The following SCARB1 variants were observed in gnomAD, a reference collection of about 807,000 sequenced individuals.
SCARB1 encodes the protein scavenger receptor class B member 1, also known as CD36 and LIMPII analogous 1.
SCARB1 carries 30 observed loss-of-function variants against 57.2 expected under a neutral mutation model. That is an observed-to-expected ratio of 0.52 (90% CI 0.39 to 0.71). The LOEUF (loss-of-function observed/expected upper bound fraction) is 0.71. Among genes scored for constraint, SCARB1 ranks in the 30% least tolerant of loss-of-function variants. SCARB1 has a pLI of 0.00. For synonymous variants in SCARB1, 249 were observed against 268.3 expected, an observed-to-expected ratio of 0.93 and a Z score of 0.70; for missense variants, 543 against 671.2, an observed-to-expected ratio of 0.81 and a Z score of 2.11.
At position 124,800,308 on chromosome 12, in the gene SCARB1, AGGTCTGCACAGAGCTGT is replaced by A; in HGVS notation, c.1010-83_1010-67del. ...ATATTGGCAGGTCCTGCCAGGCCGG[AGGTCTGCACAGAGCTGT>A]GGTCTGCAGGGCACCCCCGTGGCGA... On this transcript the variant is annotated intron_variant, in intron 7 of 12. Coordinates refer to ENST00000261693, the MANE Select transcript of SCARB1 (RefSeq NM_005505.5). The surrounding 1 kb of genome is among the most constrained non-coding windows in gnomAD (Gnocchi z 4.8). The A allele has an allele frequency of 8.2e-7, 1 of 1,217,258 alleles. No individual in the cohort carries two copies. Among genetic ancestry groups the A allele is most frequent in the South Asian group, 1.3e-5 (1 of 79,018 alleles). 75.4% of individuals were successfully genotyped at this position (1,217,258 alleles called of 1,614,324 possible). A position where few individuals can be genotyped will look rare whatever the true frequency, so the allele number is the denominator to read the frequency against.
intron 7 of SCARB1, among the ~76,000 whole-genome samples, chr12:124,801,963 C>G (rs1054584503): frequency 1.3e-5 from 2 of 151,788 alleles, no homozygotes; most frequent in Non-Finnish European, 2.9e-5. Context: ...CCAGCCTGAC[C>G]GATATGGAGA....
Position 124,778,468 on chromosome 12 carries a change from C to T in SCARB1, c.*119G>A. On this transcript the variant is annotated 3_prime_UTR_variant, in exon 13 of 13. Coordinates refer to ENST00000261693, the MANE Select transcript of SCARB1 (RefSeq NM_005505.5). ...ACAGGCACATGGCAGCTGGGAGGCT[C>T]AGGCTGTGGGGCTGGGGGGCTGTCC... The T allele has an allele frequency of 1.5e-6, 2 of 1,332,738 alleles. No homozygotes were observed. The highest frequency in any genetic ancestry group is 1.9e-6 in the Non-Finnish European group (2 of 1,038,810). The allele number at this position is 1,332,738 out of a possible 1,614,324, so 82.6% of individuals were successfully genotyped here. A position where few individuals can be genotyped will look rare whatever the true frequency, so the allele number is the denominator to read the frequency against.
chr12:124,834,985 G>A (rs1449976887), intron 1 of SCARB1, among the ~76,000 whole-genome samples: 1 of 152,194 alleles, frequency 6.6e-6, no homozygotes. Flanking sequence ...CAGATTCCCA[G>A]GCTCCATGCC....
At chr12:124,857,037 C>T (rs1952664158) in intron 1 of SCARB1, among the ~76,000 whole-genome samples, 1 of 152,110 alleles carries the variant, frequency 6.6e-6, no homozygotes, top group African/African-American at 2.4e-5. Flanking sequence ...AGGGGCAGCC[C>T]AGGAAGAGAA....
chr12:124,810,627 G>T lies in SCARB1; in HGVS notation c.727-338C>A, dbSNP rs1041326911. Among the ~76,000 whole-genome samples, 1 of 152,176 alleles carries T rather than the reference G, an allele frequency of 6.6e-6. No individual in the cohort carries two copies. On this transcript the variant is annotated intron_variant, in intron 5 of 12. Transcript: ENST00000261693. This position sits in a 1 kb window ranked among gnomAD's most constrained non-coding sequence, Gnocchi z 4.0. ...CGCGGCTGTGCTCAGCCCTCAGAGC[G>T]GAAGTCAACAGGCACCTCCTGAAAA...
chr12:124,862,984 G>A (rs1952962708), intron 1 of SCARB1, among the ~76,000 whole-genome samples: 1 of 152,198 alleles, frequency 6.6e-6, no homozygotes, highest in African/African-American at 2.4e-5. Context: ...TTTCCAGACT[G>A]AATCATGGAG....
At chr12:124,780,704 G>A (rs1210677112) in intron 12 of SCARB1, among the ~76,000 whole-genome samples, 4 of 152,222 alleles carry the variant, frequency 2.6e-5, no homozygotes, top group Non-Finnish European at 5.9e-5. Flanking sequence ...ATTGGATTCT[G>A]TTGGCAAAAT....
chr12:124,846,729 C>CAAAAAAAAA (rs5801572), intron 1 of SCARB1, among the ~76,000 whole-genome samples: 2 of 46,032 alleles, frequency 4.3e-5, no homozygotes, highest in Admixed American at 4.1e-4. Context: ...GACTCCATCT[C>CAAAAAAAAA]AAAAAAAAAA....
At chr12:124,863,359 G>A (rs1952979403) in intron 1 of SCARB1, among the ~76,000 whole-genome samples, 1 of 152,162 alleles carries the variant, frequency 6.6e-6, no homozygotes, top group Non-Finnish European at 1.5e-5. Context: ...CCTGGCCTGC[G>A]CCTCCAGCAA....
chr12:124,782,394 G>A (rs1474042949), intron 12 of SCARB1, among the ~76,000 whole-genome samples: 1 of 152,206 alleles, frequency 6.6e-6, no homozygotes, highest in African/African-American at 2.4e-5. Context: ...GATTCCAGAA[G>A]CAGCAGGCCT....
chr12:124,785,956 A>C (rs893925223), intron 11 of SCARB1: 2 of 1,064,882 alleles, frequency 1.9e-6, no homozygotes, highest in African/African-American at 3.2e-5. Flanking sequence ...CCCGGCTGGG[A>C]TGCCAGCCCC....
At chr12:124,835,295 G>A (rs1951596240) in intron 1 of SCARB1, among the ~76,000 whole-genome samples, 2 of 150,908 alleles carry the variant, frequency 1.3e-5, no homozygotes, top group African/African-American at 4.9e-5. Context: ...GTCTTGCTCT[G>A]TCACCCTGGC....
At chr12:124,825,085 C>T (rs552519578) in intron 1 of SCARB1, among the ~76,000 whole-genome samples, 8 of 151,960 alleles carry the variant, frequency 5.3e-5, no homozygotes, top group Admixed American at 1.3e-4. Context: ...ATTAGCCAGG[C>T]GTGGTGGCAG....
chr12:124,835,232 TCGCACC>T (rs1278805521), intron 1 of SCARB1, among the ~76,000 whole-genome samples: 3 of 151,662 alleles, frequency 2.0e-5, no homozygotes, highest in African/African-American at 4.8e-5. Flanking sequence ...CCCGTGACCA[TCGCACC>T]GGTCTATTTT....
chr12:124,837,116 G>C (rs1951679726), intron 1 of SCARB1, among the ~76,000 whole-genome samples: 1 of 152,154 alleles, frequency 6.6e-6, no homozygotes, highest in Non-Finnish European at 1.5e-5. Context: ...CTGCTCCCCA[G>C]TTGCACCTGC....
intron 7 of SCARB1, among the ~76,000 whole-genome samples, chr12:124,804,806 G>A (rs1478570757): frequency 1.3e-5 from 2 of 152,184 alleles, no homozygotes; most frequent in Admixed American, 1.3e-4. Context: ...CTGGAGGACG[G>A]GGCTTCAACC....
intron 1 of SCARB1, among the ~76,000 whole-genome samples, chr12:124,837,668 C>T (rs901146348): frequency 1.3e-5 from 2 of 152,084 alleles, no homozygotes; most frequent in Admixed American, 6.6e-5. Flanking sequence ...GGGAGGGTCA[C>T]TTGAGGCCAG....
intron 1 of SCARB1, among the ~76,000 whole-genome samples, chr12:124,845,066 G>A (rs192194270): frequency 6.6e-6 from 1 of 152,096 alleles, no homozygotes; most frequent in Admixed American, 6.5e-5. Flanking sequence ...TACAGACGCA[G>A]CCACACAGAG....
chr12:124,857,569 T>C (rs1422365642), intron 1 of SCARB1, among the ~76,000 whole-genome samples: 2 of 152,264 alleles, frequency 1.3e-5, no homozygotes, highest in East Asian at 3.9e-4. Flanking sequence ...TGACTGGTGT[T>C]GAAGGGGTGG....
Sources: gnomAD v4.1 joint callset for allele counts (sites outside exome capture counted in the v4.1 genomes callset) on GRCh38, gnomAD v4.1.1 for gene constraint, Gnocchi (gnomAD v3.1) non-coding constraint, MANE v1.5 for transcripts, NCBI Gene and HGNC (gene_info 2026-07-23, HGNC 2026-07-21) for gene names.